The following GRM7 variants were observed in gnomAD, a reference collection of about 807,000 sequenced individuals.
GRM7 encodes the protein metabotropic glutamate receptor 7.
GRM7 carries 35 observed loss-of-function variants against 84.5 expected under a neutral mutation model. The ratio of observed to expected loss-of-function variants is 0.41; its 90% CI spans 0.32 to 0.55. The LOEUF (loss-of-function observed/expected upper bound fraction) is 0.55. GRM7 is among the 20% of genes least tolerant of loss of function. GRM7 has a pLI of 0.19. For missense variants in GRM7, 1,003 were observed against 1,194.6 expected (o/e 0.84, Z 2.36); for synonymous variants, 487 against 455.1 (o/e 1.07, Z -0.89).
chr3:7,645,060 C>T (rs1351047339), intron 8 of GRM7, among the ~76,000 whole-genome samples: 1 of 152,098 alleles, frequency 6.6e-6, no homozygotes, highest in Non-Finnish European at 1.5e-5. Flanking sequence ...AACTAGGTTT[C>T]ACATCCCTAC....
intron 1 of GRM7, among the ~76,000 whole-genome samples, chr3:7,057,469 G>A (rs1056669705): frequency 7.3e-5 from 11 of 151,628 alleles, no homozygotes; most frequent in Admixed American, 3.9e-4. Flanking sequence ...ATCTAATAAC[G>A]TTTTCCCTAA....
At chr3:7,105,689 T>C (rs1201191721) in intron 1 of GRM7, among the ~76,000 whole-genome samples, 1 of 151,888 alleles carries the variant, frequency 6.6e-6, no homozygotes, top group Non-Finnish European at 1.5e-5. Flanking sequence ...ATTTTCTTTC[T>C]TTCTTTTGAG....
At position 6,862,953 on chromosome 3, in the gene GRM7, C is replaced by A. The variant is rs774187639; in HGVS notation, c.519+1046C>A. The A allele has an allele frequency of 4.4e-6, 2 of 455,292 alleles. No homozygotes were observed. Among genetic ancestry groups the A allele is most frequent in the African/African-American group, 4.0e-5 (2 of 50,002 alleles). 28.2% of individuals were successfully genotyped at this position (455,292 alleles called of 1,614,324 possible). A position where few individuals can be genotyped will look rare whatever the true frequency, so the allele number is the denominator to read the frequency against. On this transcript the variant is annotated intron_variant, in intron 1 of 9. Transcript: ENST00000357716. The surrounding 1 kb of genome is among the most constrained non-coding windows in gnomAD (Gnocchi z 5.2). Reference sequence around the variant, plus strand: ...GGTGGGTTCTGCCGCAGTGTTCTCTCGCCTCCTGCTCCAGCAGCCTCTGCC... The same window carrying A: ...GGTGGGTTCTGCCGCAGTGTTCTCTAGCCTCCTGCTCCAGCAGCCTCTGCC...
chr3:6,954,996 G>GGA (rs1692967522), intron 1 of GRM7, among the ~76,000 whole-genome samples: 1 of 152,128 alleles, frequency 6.6e-6, no homozygotes, highest in Non-Finnish European at 1.5e-5. Flanking sequence ...AGGGGTTGAA[G>GGA]GAGTGATTGT....
intron 7 of GRM7, among the ~76,000 whole-genome samples, chr3:7,574,141 A>C (rs1254352042): frequency 6.9e-6 from 1 of 144,952 alleles, no homozygotes; most frequent in Non-Finnish European, 1.5e-5. Flanking sequence ...TCAGCTTGTG[A>C]GCTTTGTGTC....
chr3:7,139,324 T>C (rs1693871333), intron 1 of GRM7, among the ~76,000 whole-genome samples: 3 of 151,726 alleles, frequency 2.0e-5, no homozygotes, highest in Admixed American at 1.3e-4. Flanking sequence ...ACATCTAGCA[T>C]AACACAGCAA....
intron 9 of GRM7, among the ~76,000 whole-genome samples, chr3:7,688,257 T>A (rs1216493767): frequency 1.3e-5 from 2 of 151,992 alleles, no homozygotes; most frequent in Non-Finnish European, 2.9e-5. Context: ...AGAAGTAAAT[T>A]CAAACTTGTA....
chr3:7,695,152 T>A (rs1427331406), intron 9 of GRM7, among the ~76,000 whole-genome samples: 1 of 152,214 alleles, frequency 6.6e-6, no homozygotes, highest in Non-Finnish European at 1.5e-5. Flanking sequence ...GCTAGCACTG[T>A]GAGAAGCTAT....
chr3:7,638,405 C>G (rs1434892867), intron 8 of GRM7, among the ~76,000 whole-genome samples: 1 of 152,152 alleles, frequency 6.6e-6, no homozygotes, highest in Non-Finnish European at 1.5e-5. Flanking sequence ...TCAGTATCCC[C>G]TTTTATGAAA....
chr3:7,684,445 G>A (rs563766774), intron 9 of GRM7, among the ~76,000 whole-genome samples: 15 of 152,276 alleles, frequency 9.9e-5, no homozygotes, highest in African/African-American at 3.4e-4. Context: ...TAAACACTTA[G>A]TCTCAATGTA....
intron 7 of GRM7, among the ~76,000 whole-genome samples, chr3:7,548,269 C>G (rs1693269290): frequency 6.6e-6 from 1 of 152,180 alleles, no homozygotes; most frequent in Non-Finnish European, 1.5e-5. Flanking sequence ...TAAGAAAAAC[C>G]TGGCACCTCC....
intron 8 of GRM7, among the ~76,000 whole-genome samples, chr3:7,640,625 T>G (rs17047768): frequency 0.044 from 6,688 of 152,266 alleles, 433 homozygotes; most frequent in African/African-American, 0.14. Context: ...AGTTTGTGTG[T>G]AAAGAGAATC....
chr3:7,532,578 G>A (rs1701079889), intron 7 of GRM7, among the ~76,000 whole-genome samples: 1 of 151,644 alleles, frequency 6.6e-6, no homozygotes, highest in Non-Finnish European at 1.5e-5. Context: ...CCAGTTCCTG[G>A]GCTCATTGAT....
chr3:7,347,865 G>T (rs1395459164), intron 4 of GRM7, among the ~76,000 whole-genome samples: 1 of 152,134 alleles, frequency 6.6e-6, no homozygotes, highest in African/African-American at 2.4e-5. Flanking sequence ...TTGGACTTCA[G>T]TCGGTTCTCT....
At chr3:7,677,060 G>A (rs1700149401) in intron 8 of GRM7, among the ~76,000 whole-genome samples, 1 of 151,926 alleles carries the variant, frequency 6.6e-6, no homozygotes, top group Non-Finnish European at 1.5e-5. Flanking sequence ...AGGAGATCAA[G>A]ACCATCCTGG....
chr3:7,089,095 A>G (rs775861271), intron 1 of GRM7, among the ~76,000 whole-genome samples: 38 of 152,150 alleles, frequency 2.5e-4, no homozygotes, highest in Non-Finnish European at 5.0e-4. Flanking sequence ...TTTTCTAATC[A>G]TTTTTGTTAA....
chr3:7,142,540 G>A (rs1248234460), intron 1 of GRM7, among the ~76,000 whole-genome samples: 3 of 151,796 alleles, frequency 2.0e-5, no homozygotes, highest in Admixed American at 1.3e-4. Context: ...AGAGGGTGAG[G>A]GAAACTGCTC....
At chr3:6,965,724 G>A (rs967451362) in intron 1 of GRM7, among the ~76,000 whole-genome samples, 1 of 152,098 alleles carries the variant, frequency 6.6e-6, no homozygotes, top group Non-Finnish European at 1.5e-5. Context: ...TAAAATCTTA[G>A]GTTGTTCTTA....
At chr3:7,656,177 G>T (rs546916025) in intron 8 of GRM7, among the ~76,000 whole-genome samples, 3 of 152,184 alleles carry the variant, frequency 2.0e-5, no homozygotes, top group African/African-American at 7.2e-5. Context: ...AAACCTGTGG[G>T]TGAGTGTGTG....
Sources: gnomAD v4.1 joint callset for allele counts (sites outside exome capture counted in the v4.1 genomes callset) on GRCh38, gnomAD v4.1.1 for gene constraint, Gnocchi (gnomAD v3.1) non-coding constraint, MANE v1.5 for transcripts, NCBI Gene and HGNC (gene_info 2026-07-23, HGNC 2026-07-21) for gene names.